CCDC88A: variants seen among roughly 807,000 people sequenced by gnomAD.
CCDC88A encodes coiled-coil and HOOK domain protein 88A.
CCDC88A carries 54 observed loss-of-function variants against 234.3 expected under a neutral mutation model. The observed-to-expected ratio is 0.23, with a 90% confidence interval of 0.19 to 0.29. CCDC88A has a LOEUF of 0.29. CCDC88A is among the 10% of genes least tolerant of loss of function. CCDC88A has a pLI of 1.00. For missense variants in CCDC88A, 1,832 were observed against 2,123.4 expected (o/e 0.86, Z 2.70); for synonymous variants, 753 against 737.8 (o/e 1.02, Z -0.33).
intron 29 of CCDC88A, among the ~76,000 whole-genome samples, chr2:55,297,641 C>T (rs1381164255): frequency 6.6e-6 from 1 of 151,076 alleles, no homozygotes; most frequent in Non-Finnish European, 1.5e-5. Flanking sequence ...TAACTCCTGA[C>T]CTCAGGTGAT....
intron 25 of CCDC88A, among the ~76,000 whole-genome samples, chr2:55,305,920 T>C (rs1038945194): frequency 1.3e-5 from 2 of 152,102 alleles, no homozygotes; most frequent in African/African-American, 4.8e-5. Flanking sequence ...TTTCTTTCTT[T>C]TTTGTTTTTT....
intron 29 of CCDC88A, among the ~76,000 whole-genome samples, chr2:55,298,956 T>G (rs1680546999): frequency 6.6e-6 from 1 of 151,702 alleles, no homozygotes; most frequent in South Asian, 2.1e-4. Flanking sequence ...TCCCAGCACT[T>G]TGGGAGGCCA....
chr2:55,290,302 C>T lies in CCDC88A; in HGVS notation c.*898G>A, dbSNP rs1679356923. On this transcript the variant is annotated 3_prime_UTR_variant, in exon 33 of 33. Transcript: ENST00000436346. ...AGTAACTTATTTACATTATTTTTGC[C>T]ATAAGAAAACTTCTTAAGCAACAGT... is the stretch of plus-strand genomic sequence containing the variant. 6.6e-6 allele frequency: 1 copy of T among 151,994 alleles called. No individual in the cohort carries two copies. The highest frequency in any genetic ancestry group is 6.6e-5 in the Admixed American group (1 of 15,246). 9.4% of individuals were successfully genotyped at this position (151,994 alleles called of 1,614,324 possible).
intron 32 of CCDC88A, chr2:55,291,418 C>G (rs531785389): frequency 8.4e-6 from 2 of 237,224 alleles, no homozygotes; most frequent in South Asian, 1.6e-4. Context: ...AAAAGTAATT[C>G]CTAGAACATA....
chr2:55,355,465 T>TTTTACACA, intron 8 of CCDC88A, 114 bp downstream of exon 8: 1 of 879,622 alleles, frequency 1.1e-6, no homozygotes, highest in Non-Finnish European at 1.8e-6. Flanking sequence ...TTTTTCTCAT[T>TTTTACACA]TACTTGTGAA....
intron 29 of CCDC88A, chr2:55,296,876 G>A (rs13389799): frequency 0.059 from 10,432 of 176,658 alleles, 1,134 homozygotes; most frequent in African/African-American, 0.23. Context: ...TAAAATTCAG[G>A]TTCAAATAGT....
Position 55,322,636 on chromosome 2 carries a change from C to T in CCDC88A, c.3054G>A (p.Gln1018=). The stretch of plus-strand genomic sequence containing the variant: ...CTTCACCAGATATTGGAGGAGAGCT[C>T]TGTACCATCCTTTCCTCATCTTGTC... ...KQRQDEERMV[Q]SSPPISGEDN... The change falls in exon 18 of 33, where the codon CAG becomes CAA. Residue 1018 remains glutamine (Q), a synonymous_variant. Transcript: ENST00000436346. 1.9e-6 allele frequency: 3 copies of T among 1,595,466 alleles called. No homozygotes were observed. In the South Asian group the frequency reaches 3.5e-5, roughly 18 times the overall value.
chr2:55,416,396 T>C (rs1239561766), intron 2 of CCDC88A, among the ~76,000 whole-genome samples: 1 of 132,056 alleles, frequency 7.6e-6, no homozygotes. Context: ...AATATATATG[T>C]AACTGGACTT....
At chr2:55,418,701 A>G in intron 2 of CCDC88A, 115 bp downstream of exon 2, 8 of 743,366 alleles carry the variant, frequency 1.1e-5, no homozygotes, top group South Asian at 9.5e-5. Flanking sequence ...TTCTTAAACC[A>G]CCTGAATATT....
rs10556840 is a variant in CCDC88A, at chr2:55,384,503, GAAT to G, written c.273+4272_273+4274del. On this transcript the variant is annotated intron_variant, in intron 3 of 32. Coordinates refer to ENST00000436346, the MANE Select transcript of CCDC88A (RefSeq NM_001365480.1). ...TTAATTATATATTTAATTATATATT[GAAT>G]ATTATATATAAATTATATATATATA... Among the ~76,000 whole-genome samples the G allele has an allele frequency of 2.5e-3, 180 of 71,520 alleles. 1 individual carries two copies. Among genetic ancestry groups the G allele is most frequent in the African/African-American group, 0.014 (147 of 10,406 alleles). The allele number at this position is 71,520 out of a possible 152,430, so 46.9% of individuals were successfully genotyped here.
At chr2:55,357,363 T>C (rs1486579610) in intron 7 of CCDC88A, among the ~76,000 whole-genome samples, 2 of 144,478 alleles carry the variant, frequency 1.4e-5, no homozygotes, top group Non-Finnish European at 3.0e-5. Context: ...TCCTTCCCTC[T>C]CTATCTCTCT....
Position 55,388,881 on chromosome 2 carries a change from G to A in CCDC88A, c.170C>T (p.Pro57Leu). Reference protein sequence around the residue: ...FLNQVMLQINPKLESQRVNKK... With the variant: ...FLNQVMLQINLKLESQRVNKK... ...ATTTACTCTCTGACTCTCCAATTTA[G>A]GATTACTGTAAGAAATACAAAAATA... The change falls in exon 3 of 33, where the codon CCT becomes CTT. Residue 57 changes from proline to leucine, a missense_variant. By Grantham distance (98) the Pro-to-Leu change is moderately conservative. This residue lies in a region of CCDC88A where 84 missense variants were observed against 80.9 expected (regional missense o/e 1.04). Transcript: ENST00000436346. 1 of 1,246,292 alleles carries A rather than the reference G, an allele frequency of 8.0e-7. No individual in the cohort carries two copies. The highest frequency in any genetic ancestry group is 1.1e-6 in the Non-Finnish European group (1 of 879,116). 77.2% of individuals were successfully genotyped at this position (1,246,292 alleles called of 1,614,324 possible).
intron 2 of CCDC88A, among the ~76,000 whole-genome samples, chr2:55,401,188 G>C (rs1290803932): frequency 6.6e-6 from 1 of 151,604 alleles, no homozygotes; most frequent in African/African-American, 2.4e-5. Flanking sequence ...CCAGCACTTT[G>C]GGAGGCTGAG....
chr2:55,417,726 A>G (rs1202572383), intron 2 of CCDC88A: 1 of 152,080 alleles, frequency 6.6e-6, no homozygotes, highest in African/African-American at 2.4e-5. Context: ...AGTTAACACG[A>G]GAGCAATTTT....
At chr2:55,406,953 C>G (rs963098502) in intron 2 of CCDC88A, among the ~76,000 whole-genome samples, 2 of 152,186 alleles carry the variant, frequency 1.3e-5, no homozygotes, top group African/African-American at 2.4e-5. Flanking sequence ...TGGCTAATGC[C>G]TATAACCCCA....
chr2:55,301,654 A>G, intron 27 of CCDC88A: 1 of 576,590 alleles, frequency 1.7e-6, no homozygotes, highest in Non-Finnish European at 3.1e-6. Context: ...TTAATTCATT[A>G]GCTGTTTATT....
intron 31 of CCDC88A, chr2:55,293,958 G>A (rs1321728256): frequency 7.5e-6 from 1 of 133,666 alleles, no homozygotes; most frequent in African/African-American, 2.8e-5. Flanking sequence ...TTTATTCTTA[G>A]TTCTAAAATT....
At chr2:55,321,997 A>G (rs1308516658) in intron 18 of CCDC88A, among the ~76,000 whole-genome samples, 9 of 150,442 alleles carry the variant, frequency 6.0e-5, no homozygotes, top group African/African-American at 2.0e-4. Flanking sequence ...TCATCTTTTG[A>G]AGGGTAAGTA....
At chr2:55,333,749 C>T (rs908723150) in intron 15 of CCDC88A, among the ~76,000 whole-genome samples, 5 of 152,048 alleles carry the variant, frequency 3.3e-5, no homozygotes, top group African/African-American at 7.2e-5. Flanking sequence ...ACTTGGCACA[C>T]AGCACTCAAT....
Sources: allele counts gnomAD v4.1 joint callset (sites outside exome capture counted in the v4.1 genomes callset), GRCh38; gene constraint gnomAD v4.1.1; regional missense constraint gnomAD v4.1.1; transcripts MANE v1.5; gene names NCBI Gene and HGNC (gene_info 2026-07-23, HGNC 2026-07-21).